ACACA: variants seen among roughly 807,000 people sequenced by gnomAD.
ACACA encodes the protein acetyl-CoA carboxylase 1.
In ACACA, 103 loss-of-function variants were observed where a neutral mutation model predicts 296.1. The observed-to-expected ratio is 0.35, with a 90% CI of 0.30 to 0.41. The LOEUF (loss-of-function observed/expected upper bound fraction) is 0.41. Among genes scored for constraint, ACACA ranks in the 10% least tolerant of loss-of-function variants. The pLI is 1.00. For synonymous variants in ACACA, 953 were observed against 1,038.6 expected (o/e 0.92, Z 1.58); for missense variants, 1,554 against 2,989.7 (o/e 0.52, Z 11.20).
intron 7 of ACACA, among the ~76,000 whole-genome samples, chr17:37,276,507 T>C (rs1171909893): frequency 6.6e-6 from 1 of 152,232 alleles, no homozygotes; most frequent in Admixed American, 6.5e-5. Flanking sequence ...CTTCATTGTT[T>C]AAGGTCTCTG....
intron 11 of ACACA, among the ~76,000 whole-genome samples, chr17:37,260,277 TATATATATATATATA>T (rs2081415950): frequency 3.1e-5 from 1 of 31,846 alleles, no homozygotes; most frequent in Non-Finnish European, 5.0e-5. Context: ...TATATATATA[TATATATATATATATA>T]TATATTTTTT....
intron 3 of ACACA, among the ~76,000 whole-genome samples, chr17:37,307,012 T>C (rs1006668073): frequency 1.3e-5 from 2 of 152,158 alleles, no homozygotes; most frequent in African/African-American, 2.4e-5. Context: ...GTGTATAAAA[T>C]TTATCTATGC....
intron 43 of ACACA, 33 bp from the exon 44 acceptor site, chr17:37,151,454 T>C (rs1398880310): frequency 6.2e-7 from 1 of 1,611,704 alleles, no homozygotes; most frequent in South Asian, 1.1e-5. Flanking sequence ...ATTATGAATG[T>C]TAAACACAGT....
intron 41 of ACACA, among the ~76,000 whole-genome samples, chr17:37,168,991 T>C (rs1189895941): frequency 6.6e-6 from 1 of 152,244 alleles, no homozygotes; most frequent in Non-Finnish European, 1.5e-5. Context: ...CTTTTATTTA[T>C]ACAGAACCTT....
chr17:37,223,741 T>G (rs1179204706), intron 27 of ACACA, 140 bp from the exon 28 acceptor site: 3 of 692,486 alleles, frequency 4.3e-6, no homozygotes, highest in Admixed American at 2.2e-5. Context: ...CTCAGCTTCC[T>G]GAGCTACAAA....
At chr17:37,156,053 CTTTTTTTTTT>C (rs60787242) in intron 42 of ACACA, among the ~76,000 whole-genome samples, 14 of 94,008 alleles carry the variant, frequency 1.5e-4, no homozygotes, top group East Asian at 7.3e-4. Flanking sequence ...TTCTTTCTTT[CTTTTTTTTTT>C]TTTTTTTTTT....
intron 3 of ACACA, among the ~76,000 whole-genome samples, chr17:37,317,972 C>T (rs898653550): frequency 1.1e-4 from 16 of 152,086 alleles, no homozygotes; most frequent in Non-Finnish European, 2.2e-4. Context: ...ACTACAAAGG[C>T]ACCATGGCAA....
At chr17:37,118,611 C>G (rs1042070678) in intron 50 of ACACA, among the ~76,000 whole-genome samples, 2 of 152,268 alleles carry the variant, frequency 1.3e-5, no homozygotes, top group South Asian at 4.2e-4. Context: ...TTACAGGGAG[C>G]TACATCACAT....
At chr17:37,114,265 G>A (rs1022648830) in intron 50 of ACACA, among the ~76,000 whole-genome samples, 10 of 152,134 alleles carry the variant, frequency 6.6e-5, no homozygotes, top group African/African-American at 2.4e-4. Context: ...TTGTAGACTG[G>A]GAATGGTAGC....
intron 25 of ACACA, among the ~76,000 whole-genome samples, chr17:37,229,143 CAA>C (rs11454831): frequency 4.5e-4 from 48 of 106,148 alleles, no homozygotes; most frequent in Non-Finnish European, 4.7e-4. Flanking sequence ...GACTCCGTCT[CAA>C]AAAAAAAAAA....
chr17:37,303,826 C>G lies in ACACA; in HGVS notation c.339-18856G>C, dbSNP rs1022162798. On this transcript the variant is annotated intron_variant, in intron 3 of 55. Coordinates refer to ENST00000616317, the MANE Select transcript of ACACA (RefSeq NM_198834.3). ...TGAGCCAAGATCGCGCCATTGCATT[C>G]CAGCCTGGGCAACAGAGCGAGACTC... 2.6e-5 allele frequency among the ~76,000 whole-genome samples: 4 copies of G among 152,216 alleles called. 1 individual carries two copies. The highest frequency in any genetic ancestry group is 2.6e-4 in the Admixed American group (4 of 15,284).
At chr17:37,219,253 C>T (rs1024517408) in intron 29 of ACACA, among the ~76,000 whole-genome samples, 6 of 152,118 alleles carry the variant, frequency 3.9e-5, no homozygotes, top group Non-Finnish European at 7.4e-5. Flanking sequence ...CATGGATGTG[C>T]TGAGAGGGTT....
At chr17:37,342,794 A>T (rs1195819762) in intron 1 of ACACA, among the ~76,000 whole-genome samples, 5 of 151,254 alleles carry the variant, frequency 3.3e-5, no homozygotes, top group African/African-American at 4.9e-5. Context: ...AAAAAAAAAA[A>T]GCTGGATGTG....
chr17:37,405,640 C>T (rs2147865685), intron 1 of ACACA, among the ~76,000 whole-genome samples: 1 of 152,152 alleles, frequency 6.6e-6, no homozygotes, highest in South Asian at 2.1e-4. Flanking sequence ...GTAACCTCTG[C>T]CCCCAGGGTT....
chr17:37,321,989 A>T (rs2047380975), intron 3 of ACACA, among the ~76,000 whole-genome samples: 1 of 152,112 alleles, frequency 6.6e-6, no homozygotes, highest in South Asian at 2.1e-4. Context: ...GCTTATTCCA[A>T]ACTCATTAAC....
chr17:37,133,718 CT>C (rs1186209214), intron 45 of ACACA, among the ~76,000 whole-genome samples: 1 of 152,234 alleles, frequency 6.6e-6, no homozygotes, highest in Non-Finnish European at 1.5e-5. Flanking sequence ...ATATATTCCT[CT>C]TACATTCTAC....
chr17:37,159,361 A>C (rs1289316073), intron 42 of ACACA, among the ~76,000 whole-genome samples: 2 of 151,882 alleles, frequency 1.3e-5, no homozygotes, highest in Non-Finnish European at 2.9e-5. Context: ...AGCTGGGATT[A>C]CAGACGTGTG....
At chr17:37,258,559 T>C (rs897224815) in intron 12 of ACACA, among the ~76,000 whole-genome samples, 186 bp from the exon 13 acceptor site, 2 of 152,322 alleles carry the variant, frequency 1.3e-5, no homozygotes, top group African/African-American at 2.4e-5. Context: ...TACAGATAAG[T>C]AGTTAGAATA....
intron 41 of ACACA, among the ~76,000 whole-genome samples, chr17:37,170,773 C>T (rs2076854310): frequency 6.6e-6 from 1 of 152,160 alleles, no homozygotes; most frequent in African/African-American, 2.4e-5. Context: ...CCAAAATTAA[C>T]ACCAAAATTG....
Sources: allele counts gnomAD v4.1 joint callset (sites outside exome capture counted in the v4.1 genomes callset), GRCh38; gene constraint gnomAD v4.1.1; transcripts MANE v1.5; gene names NCBI Gene and HGNC (gene_info 2026-07-23, HGNC 2026-07-21).